Variants in MRPS9 observed in about 807,000 individuals in gnomAD.
MRPS9 encodes small ribosomal subunit protein uS9m.
Under a neutral mutation model 59.9 loss-of-function variants are expected in MRPS9, and 45 were observed. The observed-to-expected ratio is 0.75, with a 90% CI of 0.59 to 0.96. The LOEUF (loss-of-function observed/expected upper bound fraction) is 0.96. MRPS9 is among the 40% of genes least tolerant of loss of function. The pLI, the probability that MRPS9 is intolerant of heterozygous loss-of-function variation, is 0.00. For synonymous variants in MRPS9, 171 were observed against 166.8 expected (o/e 1.03, Z -0.19); for missense variants, 473 against 481.1 (o/e 0.98, Z 0.16).
chr2:105,062,564 G>A lies in MRPS9; in HGVS notation c.316-8749G>A, dbSNP rs1679926936. Among the ~76,000 whole-genome samples the A allele has an allele frequency of 3.3e-5, 5 of 152,282 alleles. No homozygotes were observed. The South Asian group carries it at 1.0e-3, about 32-fold the overall frequency. ...GTTAATATTCTGTCTTGTAACAATA[G>A]ATATGTGTTTGTTAATTTAGACCAA... On this transcript the variant is annotated intron_variant, in intron 2 of 10. Coordinates refer to ENST00000258455, the MANE Select transcript of MRPS9 (RefSeq NM_182640.3).
intron 2 of MRPS9, among the ~76,000 whole-genome samples, chr2:105,069,643 C>T (rs1680076094): frequency 6.6e-6 from 1 of 152,176 alleles, no homozygotes; most frequent in African/African-American, 2.4e-5. Context: ...ATGTTTAGCC[C>T]TCTCACTCAT....
At chr2:105,057,810 A>G (rs1036121341) in intron 2 of MRPS9, among the ~76,000 whole-genome samples, 4 of 152,216 alleles carry the variant, frequency 2.6e-5, no homozygotes, top group African/African-American at 4.8e-5. Flanking sequence ...TGTAGTTGTT[A>G]TAAAGTTTAG....
intron 5 of MRPS9, among the ~76,000 whole-genome samples, chr2:105,086,186 A>G (rs1558761611): frequency 6.6e-6 from 1 of 152,182 alleles, no homozygotes; most frequent in Non-Finnish European, 1.5e-5. Flanking sequence ...CGTACTTTAC[A>G]TATATTTTCC....
At chr2:105,078,277 A>T (rs1428347650) in intron 4 of MRPS9, among the ~76,000 whole-genome samples, 1 of 150,976 alleles carries the variant, frequency 6.6e-6, no homozygotes, top group East Asian at 1.9e-4. Flanking sequence ...ATGATGAGGC[A>T]TCTTAAAATC....
chr2:105,042,971 A>G (rs191892997), intron 1 of MRPS9, among the ~76,000 whole-genome samples: 52 of 146,452 alleles, frequency 3.6e-4, no homozygotes, highest in Middle Eastern at 3.5e-3. Context: ...CCCACCCCCC[A>G]GAGTCATTTA....
chr2:105,056,780 T>C (rs1679797712), intron 2 of MRPS9, among the ~76,000 whole-genome samples: 1 of 152,226 alleles, frequency 6.6e-6, no homozygotes, highest in Non-Finnish European at 1.5e-5. Flanking sequence ...TGTAATATAC[T>C]AGTGCTTCCT....
At chr2:105,068,346 C>T (rs943067133) in intron 2 of MRPS9, among the ~76,000 whole-genome samples, 9 of 152,008 alleles carry the variant, frequency 5.9e-5, no homozygotes, top group African/African-American at 1.9e-4. Context: ...AATATATTTA[C>T]TTATTTGCTT....
intron 4 of MRPS9, among the ~76,000 whole-genome samples, chr2:105,072,740 G>T (rs1264557440): frequency 6.6e-6 from 1 of 152,116 alleles, no homozygotes; most frequent in African/African-American, 2.4e-5. Flanking sequence ...TATTTATTTT[G>T]CAGTGGTATT....
At chr2:105,059,121 G>A (rs1679850009) in intron 2 of MRPS9, among the ~76,000 whole-genome samples, 1 of 138,942 alleles carries the variant, frequency 7.2e-6, no homozygotes, top group African/African-American at 2.7e-5. Context: ...TAAATTATAT[G>A]TGTAACAATT....
chr2:105,083,824 C>G (rs1680393955), intron 5 of MRPS9, among the ~76,000 whole-genome samples: 1 of 152,130 alleles, frequency 6.6e-6, no homozygotes, highest in Admixed American at 6.5e-5. Context: ...TTTTAACACT[C>G]TGCTGCTCAA....
At chr2:105,065,704 A>T (rs1464240429) in intron 2 of MRPS9, among the ~76,000 whole-genome samples, 6 of 152,224 alleles carry the variant, frequency 3.9e-5, no homozygotes, top group Admixed American at 3.9e-4. Flanking sequence ...GTTTAGTGGA[A>T]GTAAAGATTT....
chr2:105,087,209 A>T (rs1224559800), intron 5 of MRPS9, among the ~76,000 whole-genome samples: 2 of 151,612 alleles, frequency 1.3e-5, no homozygotes, highest in Admixed American at 1.3e-4. Context: ...TAGGGTGGAC[A>T]GTTGGCTTTT....
Position 105,089,066 on chromosome 2 carries a change from C to T in MRPS9, c.572C>T (p.Thr191Ile). 1.2e-6 allele frequency: 2 copies of T among 1,606,380 alleles called. No individual in the cohort carries two copies. Among genetic ancestry groups the T allele is most frequent in the East Asian group, 2.2e-5 (1 of 44,724 alleles). Residue 191 changes from threonine to isoleucine, a missense_variant, in exon 6 of 11, where the codon ACC (threonine) becomes ATC (isoleucine). Thr to Ile is a moderately conservative substitution (Grantham distance 89). Transcript: ENST00000258455. ...AKSLLPEKTV[T>I]RDVIGSRWLI... is the part of the protein sequence containing the mutation. ...AGTCTGCTCCCAGAAAAAACTGTAA[C>T]CAGGTAAGCTCTTTTCTTGCATTAA...
chr2:105,073,317 T>A (rs897728468), intron 4 of MRPS9, among the ~76,000 whole-genome samples: 11 of 152,290 alleles, frequency 7.2e-5, no homozygotes, highest in Non-Finnish European at 1.5e-4. Context: ...GAAACTTCTA[T>A]ATATCCCTGC....
chr2:105,090,070 A>C, intron 7 of MRPS9, 75 bp downstream of exon 7: 1 of 745,932 alleles, frequency 1.3e-6, no homozygotes, highest in Non-Finnish European at 2.1e-6. Context: ...TTAGGATCCT[A>C]ATAGTAATGT....
At chr2:105,075,627 TAG>T (rs1467809163) in intron 4 of MRPS9, among the ~76,000 whole-genome samples, 1 of 152,164 alleles carries the variant, frequency 6.6e-6, no homozygotes, top group Non-Finnish European at 1.5e-5. Flanking sequence ...AAGAAAGCTA[TAG>T]TCTGTTGTCA....
At position 105,089,059 on chromosome 2, in the gene MRPS9, A is replaced by T. The variant is rs1680506648; in HGVS notation, c.565A>T (p.Thr189Ser). 6.2e-7 allele frequency: 1 copy of T among 1,609,826 alleles called. No homozygotes were observed. Among genetic ancestry groups the T allele is most frequent in the Non-Finnish European group, 8.5e-7 (1 of 1,177,468 alleles). The change falls in exon 6 of 11, where the codon ACT becomes TCT. Residue 189 changes from threonine (T) to serine (S), a missense_variant. By Grantham distance (58) the Thr-to-Ser change is moderately conservative. Coordinates refer to ENST00000258455, the MANE Select transcript of MRPS9 (RefSeq NM_182640.3). ...LQAKSLLPEK[T>S]VTRDVIGSRW... ...AGCCAAAAGTCTGCTCCCAGAAAAAACTGTAACCAGGTAAGCTCTTTTCTT... is the reference window on the plus strand; with the variant it reads ...AGCCAAAAGTCTGCTCCCAGAAAAATCTGTAACCAGGTAAGCTCTTTTCTT...
At chr2:105,095,355 A>G (rs1273789643) in intron 9 of MRPS9, among the ~76,000 whole-genome samples, 2 of 152,210 alleles carry the variant, frequency 1.3e-5, no homozygotes, top group Non-Finnish European at 2.9e-5. Flanking sequence ...AAATGCTTAT[A>G]TAAATAAAAA....
intron 2 of MRPS9, among the ~76,000 whole-genome samples, chr2:105,067,341 T>G (rs2104452102): frequency 6.6e-6 from 1 of 152,320 alleles, no homozygotes; most frequent in African/African-American, 2.4e-5. Flanking sequence ...TTTCTCGTGA[T>G]CAGACTTAGA....
Sources: gnomAD v4.1 joint callset for allele counts (sites outside exome capture counted in the v4.1 genomes callset) on GRCh38, gnomAD v4.1.1 for gene constraint, MANE v1.5 for transcripts, NCBI Gene and HGNC (gene_info 2026-07-23, HGNC 2026-07-21) for gene names.